NREP: variants seen among roughly 807,000 people sequenced by gnomAD.
NREP encodes the protein neuronal regeneration-related protein.
Under a neutral mutation model 8.6 loss-of-function variants are expected in NREP, and 5 were observed. That is an observed-to-expected ratio of 0.58 (90% CI 0.30 to 1.22). The LOEUF (loss-of-function observed/expected upper bound fraction) is 1.22. NREP is among the 50% of genes most tolerant of loss of function. NREP has a pLI of 0.07. For missense variants in NREP, 86 were observed against 82.5 expected (o/e 1.04, Z -0.17); for synonymous variants, 27 against 28.0 (o/e 0.96, Z 0.11).
chr5:111,900,488 T>C (rs535368851), intron 2 of NREP, among the ~76,000 whole-genome samples: 8 of 151,472 alleles, frequency 5.3e-5, no homozygotes, highest in African/African-American at 1.9e-4. Flanking sequence ...AGTTTTTTTT[T>C]AAAAAAGGAT....
chr5:111,890,743 C>A (rs534144752), intron 2 of NREP, among the ~76,000 whole-genome samples: 1 of 152,174 alleles, frequency 6.6e-6, no homozygotes, highest in Non-Finnish European at 1.5e-5. Flanking sequence ...AGGCTGGAGA[C>A]GGACTGGCTG....
chr5:111,829,136 G>T (rs1752700945), intron 2 of NREP, among the ~76,000 whole-genome samples: 1 of 152,122 alleles, frequency 6.6e-6, no homozygotes, highest in Non-Finnish European at 1.5e-5. Context: ...TATGTGGCTA[G>T]AACATTGGGT....
chr5:111,964,855 CAAAAAAAAAAAAAAAAAAA>C (rs58877839), intron 2 of NREP, among the ~76,000 whole-genome samples: 1,007 of 44,852 alleles, frequency 0.022, 12 homozygotes, highest in African/African-American at 0.058. Context: ...CTTTCAGCAG[CAAAAAAAAAAAAAAAAAAA>C]AAAAAAAAAA....
In NREP at chr5:111,733,417, G is replaced by A. The variant is rs554152116; in HGVS notation, c.81+2013C>T. Reference sequence around the variant, plus strand: ...GGTGCTCCTGAGGAGACAGAGTTCTGTGCGTTCTCCCTATGGAGTCCTGCA... The same window carrying A: ...GGTGCTCCTGAGGAGACAGAGTTCTATGCGTTCTCCCTATGGAGTCCTGCA... On this transcript the variant is annotated intron_variant, in intron 3 of 3. Coordinates refer to ENST00000257435, the MANE Select transcript of NREP (RefSeq NM_004772.4). 4 of 152,136 alleles carry A rather than the reference G, an allele frequency of 2.6e-5. No homozygotes were observed. The East Asian group carries it at 7.8e-4, about 29-fold the overall frequency. The allele number at this position is 152,136 out of a possible 1,614,324, so 9.4% of individuals were successfully genotyped here.
At chr5:111,872,476 G>T (rs2112498457) in intron 2 of NREP, among the ~76,000 whole-genome samples, 1 of 152,276 alleles carries the variant, frequency 6.6e-6, no homozygotes, top group Non-Finnish European at 1.5e-5. Context: ...TCATGGTCCA[G>T]TCAAGTTGCC....
chr5:111,797,062 AAGATAGATAGAT>A (rs58573941), intron 2 of NREP, among the ~76,000 whole-genome samples: 1,516 of 147,438 alleles, frequency 0.01, 10 homozygotes, highest in African/African-American at 0.013. Context: ...AGTGTCTACT[AAGATAGATAGAT>A]AGATAGATAG....
intron 2 of NREP, among the ~76,000 whole-genome samples, chr5:111,896,506 C>G (rs1333941652): frequency 6.6e-6 from 1 of 152,120 alleles, no homozygotes; most frequent in Non-Finnish European, 1.5e-5. Flanking sequence ...ATTTTATCAT[C>G]CCTAGTATAC....
At chr5:111,916,543 T>A (rs1291910711) in intron 2 of NREP, among the ~76,000 whole-genome samples, 1 of 152,176 alleles carries the variant, frequency 6.6e-6, no homozygotes, top group African/African-American at 2.4e-5. Flanking sequence ...TGTATCCGAC[T>A]GTTTAAACCT....
At chr5:111,852,510 A>G (rs965062073) in intron 2 of NREP, among the ~76,000 whole-genome samples, 1 of 152,114 alleles carries the variant, frequency 6.6e-6, no homozygotes, top group Non-Finnish European at 1.5e-5. Flanking sequence ...GATAATTTAA[A>G]TATTCTTCTT....
chr5:111,973,450 G>C (rs1259898651), intron 2 of NREP, among the ~76,000 whole-genome samples: 1 of 152,162 alleles, frequency 6.6e-6, no homozygotes, highest in Non-Finnish European at 1.5e-5. Flanking sequence ...CCAGTCATTT[G>C]AGTAGAATGG....
intron 2 of NREP, among the ~76,000 whole-genome samples, chr5:111,779,001 T>A (rs768861093): frequency 6.6e-6 from 1 of 152,080 alleles, no homozygotes; most frequent in Admixed American, 6.6e-5. Flanking sequence ...GTTGCAATCA[T>A]ACTTTATTGA....
intron 2 of NREP, among the ~76,000 whole-genome samples, chr5:111,923,729 T>G (rs1374754181): frequency 6.6e-6 from 1 of 152,198 alleles, no homozygotes; most frequent in Non-Finnish European, 1.5e-5. Flanking sequence ...GCTGTTGAGC[T>G]GGCTCCTAGG....
At chr5:111,911,891 A>G (rs1378102770) in intron 2 of NREP, among the ~76,000 whole-genome samples, 2 of 152,112 alleles carry the variant, frequency 1.3e-5, no homozygotes. Flanking sequence ...CATTTCAGGT[A>G]GTGCCCACCA....
intron 2 of NREP, among the ~76,000 whole-genome samples, chr5:111,767,905 T>C (rs1751123948): frequency 1.3e-5 from 2 of 152,122 alleles, no homozygotes; most frequent in African/African-American, 4.8e-5. Flanking sequence ...GCTCAAGTGA[T>C]CCTCCTGCCT....
intron 2 of NREP, among the ~76,000 whole-genome samples, chr5:111,853,009 C>A (rs1753346122): frequency 6.6e-6 from 1 of 152,074 alleles, no homozygotes; most frequent in Non-Finnish European, 1.5e-5. Flanking sequence ...GAGAGAACTG[C>A]TTGGGGTGGT....
At chr5:111,755,587 C>A in intron 2 of NREP, 183 bp downstream of exon 2, 1 of 640,966 alleles carries the variant, frequency 1.6e-6, no homozygotes, top group Non-Finnish European at 2.8e-6. Context: ...ACTAATTTGC[C>A]ACATCCAATT....
chr5:111,901,734 A>G (rs1193169548), intron 2 of NREP, among the ~76,000 whole-genome samples: 2 of 152,174 alleles, frequency 1.3e-5, no homozygotes, highest in Non-Finnish European at 2.9e-5. Context: ...AATGCTCAGG[A>G]ATACACTTAG....
At chr5:111,806,913 G>A (rs916911106) in intron 2 of NREP, among the ~76,000 whole-genome samples, 4 of 151,988 alleles carry the variant, frequency 2.6e-5, no homozygotes, top group Non-Finnish European at 4.4e-5. Flanking sequence ...TCATTCTCTG[G>A]GAGCAGAACC....
intron 2 of NREP, among the ~76,000 whole-genome samples, chr5:111,893,175 C>T (rs1309552286): frequency 6.6e-6 from 1 of 152,158 alleles, no homozygotes; most frequent in Non-Finnish European, 1.5e-5. Flanking sequence ...AAAATCCCAG[C>T]AGCTGCAAAT....
Sources: gnomAD v4.1 joint callset for allele counts (sites outside exome capture counted in the v4.1 genomes callset) on GRCh38, gnomAD v4.1.1 for gene constraint, MANE v1.5 for transcripts, NCBI Gene and HGNC (gene_info 2026-07-23, HGNC 2026-07-21) for gene names.